Variants in PCNX1 observed in about 807,000 individuals in gnomAD.
PCNX1 encodes the protein pecanex-like protein 1.
A neutral mutation model predicts 242.2 loss-of-function variants in PCNX1; 78 were observed. That is an observed-to-expected ratio of 0.32 (90% CI 0.27 to 0.39). The LOEUF is 0.39. Among genes scored for constraint, PCNX1 ranks in the 10% least tolerant of loss-of-function variants. PCNX1 has a pLI of 1.00. For synonymous variants in PCNX1, 1,024 were observed against 1,032.9 expected, an observed-to-expected ratio of 0.99 and a Z score of 0.17; for missense variants, 2,581 against 2,856.5, an observed-to-expected ratio of 0.90 and a Z score of 2.20.
At chr14:70,965,946 A>G (rs2058365905) in intron 3 of PCNX1, among the ~76,000 whole-genome samples, 1 of 152,144 alleles carries the variant, frequency 6.6e-6, no homozygotes, top group Non-Finnish European at 1.5e-5. Flanking sequence ...AAGTGTAAAA[A>G]GATACTGTTT....
At chr14:70,985,307 T>C (rs2058966725) in intron 6 of PCNX1, among the ~76,000 whole-genome samples, 1 of 152,128 alleles carries the variant, frequency 6.6e-6, no homozygotes, top group Non-Finnish European at 1.5e-5. Context: ...CTCCGCCTCT[T>C]GGGTTCAAGT....
chr14:70,946,335 A>G (rs906750578), intron 1 of PCNX1, among the ~76,000 whole-genome samples: 5 of 152,234 alleles, frequency 3.3e-5, no homozygotes, highest in African/African-American at 9.6e-5. Context: ...CGAAGAATGT[A>G]TCCTAAAAAA....
At position 71,041,565 on chromosome 14, in the gene PCNX1, TTTTA is replaced by T. The variant is rs1407940431; in HGVS notation, c.3868-3560_3868-3557del. ...GTAATATCTCCTTTTTCATCTCTGA[TTTTA>T]TTTATTTGGGTATTTCTTTCTTTTT... is the stretch of plus-strand genomic sequence containing the variant. On this transcript the variant is annotated intron_variant, in intron 19 of 35. Coordinates refer to ENST00000304743, the MANE Select transcript of PCNX1 (RefSeq NM_014982.3). 2.6e-5 allele frequency among the ~76,000 whole-genome samples: 4 copies of T among 152,096 alleles called. No individual in the cohort carries two copies. The East Asian group carries it at 7.7e-4, about 29-fold the overall frequency.
rs2057488455 is a variant in PCNX1 at position 70,947,123 on chromosome 14, G to C, written c.362G>C (p.Ser121Thr). The change falls in exon 2 of 36, where the codon AGT becomes ACT. Residue 121 changes from serine (S) to threonine (T), a missense_variant and splice_region_variant. By Grantham distance (58) the Ser-to-Thr change is moderately conservative. Coordinates refer to ENST00000304743, the MANE Select transcript of PCNX1 (RefSeq NM_014982.3). ...AGGAGAAAAGACAGCAATGGACCGAGGTAAGGAAACCTATGTCATTGATTG... is the reference window on the plus strand; with the variant it reads ...AGGAGAAAAGACAGCAATGGACCGACGTAAGGAAACCTATGTCATTGATTG... The part of the protein sequence containing the change: ...STRRKDSNGP[S>T]DPGGGIEMSE... 1.2e-6 allele frequency: 2 copies of C among 1,600,744 alleles called. No individual in the cohort carries two copies. The highest frequency in any genetic ancestry group is 1.1e-5 in the South Asian group (1 of 89,726).
intron 20 of PCNX1, 64 bp from the exon 21 acceptor site, chr14:71,046,900 T>C (rs2060876112): frequency 7.3e-7 from 1 of 1,372,292 alleles, no homozygotes; most frequent in East Asian, 2.5e-5. Flanking sequence ...AATTTTTCTT[T>C]CTCATCACAT....
At chr14:71,027,086 C>A in intron 15 of PCNX1, 1 of 435,614 alleles carries the variant, frequency 2.3e-6, no homozygotes, top group Non-Finnish European at 4.1e-6. Context: ...AGAGAAAGAG[C>A]CAGGTATAAT....
At chr14:71,040,603 A>G (rs2060675742) in intron 19 of PCNX1, among the ~76,000 whole-genome samples, 1 of 152,112 alleles carries the variant, frequency 6.6e-6, no homozygotes, top group South Asian at 2.1e-4. Flanking sequence ...GCAGTGTGTA[A>G]TAATCACATG....
chr14:71,011,775 A>G (rs531160055), intron 10 of PCNX1: 8 of 478,106 alleles, frequency 1.7e-5, no homozygotes, highest in Non-Finnish European at 2.9e-5. Flanking sequence ...GAGTATTTTA[A>G]AAAGTGTTTT....
intron 28 of PCNX1, among the ~76,000 whole-genome samples, chr14:71,079,711 A>C (rs1000159099): frequency 2.0e-5 from 3 of 151,774 alleles, no homozygotes; most frequent in African/African-American, 7.3e-5. Context: ...TCCTTGACCT[A>C]CTTTTGGATC....
chr14:70,911,319 C>T (rs1362131043), intron 1 of PCNX1, among the ~76,000 whole-genome samples: 1 of 138,220 alleles, frequency 7.2e-6, no homozygotes, highest in Non-Finnish European at 1.6e-5. Context: ...AGAGATCGTA[C>T]ATTAAGTTAG....
chr14:71,006,290 T>C (rs926190826), intron 8 of PCNX1, among the ~76,000 whole-genome samples: 1 of 152,112 alleles, frequency 6.6e-6, no homozygotes, highest in Middle Eastern at 3.2e-3. Context: ...GCCTGGCATA[T>C]CAGCTTTTTG....
At chr14:71,055,283 A>C (rs1039093985) in intron 24 of PCNX1, among the ~76,000 whole-genome samples, 3 of 152,194 alleles carry the variant, frequency 2.0e-5, no homozygotes, top group African/African-American at 7.2e-5. Flanking sequence ...ATAAAAAAAA[A>C]ACTGCTATGT....
chr14:71,109,420 A>G (rs1368053289), intron 34 of PCNX1, 32 bp from the exon 35 acceptor site: 3 of 1,568,546 alleles, frequency 1.9e-6, no homozygotes, highest in Admixed American at 1.9e-5. Flanking sequence ...CAAGAAAAAA[A>G]TGAATTGGAA....
chr14:71,032,205 G>A (rs939160629), intron 16 of PCNX1, among the ~76,000 whole-genome samples: 1 of 152,132 alleles, frequency 6.6e-6, no homozygotes, highest in African/African-American at 2.4e-5. Flanking sequence ...TACCTGATGT[G>A]TTTGCTTTAT....
intron 30 of PCNX1, among the ~76,000 whole-genome samples, chr14:71,097,146 A>C (rs2062311120): frequency 6.6e-6 from 1 of 152,154 alleles, no homozygotes; most frequent in Non-Finnish European, 1.5e-5. Context: ...AAGTGACTTG[A>C]TTCTTTTTTA....
rs116585789 is a variant in PCNX1, at chr14:71,029,398, G to A, written c.3558+607G>A. On this transcript the variant is annotated intron_variant, in intron 16 of 35. Transcript: ENST00000304743. ...ACTAGTGCAAGACAATCAGAGAATG[G>A]TAGGGTTGAAAGGACTATGACAAGT... is the stretch of plus-strand genomic sequence containing the variant. Among the ~76,000 whole-genome samples, 734 of 152,236 alleles carry A rather than the reference G, an allele frequency of 4.8e-3. 9 individuals are homozygous for A. The highest frequency in any genetic ancestry group is 0.016 in the African/African-American group (670 of 41,552).
intron 7 of PCNX1, among the ~76,000 whole-genome samples, 155 bp downstream of exon 7, chr14:70,988,854 G>A (rs2059075284): frequency 6.6e-6 from 1 of 151,990 alleles, no homozygotes; most frequent in Admixed American, 6.6e-5. Flanking sequence ...TTTTCTGCAT[G>A]TGACCATGAG....
rs1177990388 is a variant in PCNX1 at position 70,977,474 on chromosome 14, T to A, written c.1137T>A (p.Ser379Arg). The stretch of plus-strand genomic sequence containing the variant: ...TGAGGAGCCTGAGCACACGGAGTAG[T>A]GGGTCAACAGAAAGCTACTGCAGTG... ...DSLRSLSTRSSGSTESYCSGT... is the reference protein window; with the variant it reads ...DSLRSLSTRSRGSTESYCSGT... The change falls in exon 6 of 36, where the codon AGT becomes AGA. Residue 379 changes from serine to arginine, a missense_variant. Physicochemically the swap from Ser to Arg is moderately radical, Grantham distance 110 (BLOSUM62 -1). Transcript: ENST00000304743. 36 of 1,614,014 alleles carry A rather than the reference T, an allele frequency of 2.2e-5. No homozygotes were observed. The highest frequency in any genetic ancestry group is 3.1e-5 in the Non-Finnish European group (36 of 1,180,004).
At position 71,101,930 on chromosome 14, in the gene PCNX1, GTA is replaced by G. The variant is rs778536436; in HGVS notation, c.5590-59_5590-58del. 6 of 912,466 alleles carry G rather than the reference GTA, an allele frequency of 6.6e-6. No homozygotes were observed. The East Asian group carries it at 8.2e-5, about 12-fold the overall frequency. 56.5% of individuals were successfully genotyped at this position (912,466 alleles called of 1,614,324 possible). On this transcript the variant is annotated intron_variant, in intron 30 of 35. Coordinates refer to ENST00000304743, the MANE Select transcript of PCNX1 (RefSeq NM_014982.3). ...TTTTAAGAACTTTCACTTAGTAACTGTAGAAGTTATCAGTTCTTTTATTTTCC... is the reference window on the plus strand; with the variant it reads ...TTTTAAGAACTTTCACTTAGTAACTGGAAGTTATCAGTTCTTTTATTTTCC...
Sources: gnomAD v4.1 joint callset for allele counts (sites outside exome capture counted in the v4.1 genomes callset) on GRCh38, gnomAD v4.1.1 for gene constraint, MANE v1.5 for transcripts, NCBI Gene and HGNC (gene_info 2026-07-23, HGNC 2026-07-21) for gene names.